SLC26A7: variants seen among roughly 807,000 people sequenced by gnomAD.
SLC26A7 encodes the protein anion exchange transporter.
A neutral mutation model predicts 82.5 loss-of-function variants in SLC26A7; 59 were observed. The ratio of observed to expected loss-of-function variants is 0.72; its 90% CI spans 0.58 to 0.89. The LOEUF (loss-of-function observed/expected upper bound fraction) is 0.89, where lower values mean the gene tolerates loss of function less well. SLC26A7 is among the 40% of genes least tolerant of loss of function. SLC26A7 has a pLI of 0.00. For missense variants in SLC26A7, 820 were observed against 793.0 expected (o/e 1.03, Z -0.41); for synonymous variants, 271 against 274.3 (o/e 0.99, Z 0.12).
intron 11 of SLC26A7, among the ~76,000 whole-genome samples, chr8:91,354,159 C>A (rs981621575): frequency 6.6e-5 from 10 of 151,996 alleles, no homozygotes; most frequent in Non-Finnish European, 1.0e-4. Flanking sequence ...TGAGAAGATG[C>A]AAACTTACTC....
Position 91,214,387 on chromosome 8 carries a change from C to T in SLC26A7, c.-149-4503C>T, listed in dbSNP as rs139872220. 1.9e-3 allele frequency among the ~76,000 whole-genome samples: 295 copies of T among 152,240 alleles called. 3 individuals are homozygous for T. Among genetic ancestry groups the T allele is most frequent in the African/African-American group, 6.5e-3 (270 of 41,542 alleles). ...CAGACTGGCATGGAAAAGAAATATA[C>T]TTCTTCAGTATGTTATTTGAAAACA... On this transcript the variant is annotated intron_variant, in intron 1 of 5. Coordinates refer to the SLC26A7 transcript ENST00000522862.
At chr8:91,279,715 A>G (rs1490543217) in intron 2 of SLC26A7, among the ~76,000 whole-genome samples, 2 of 151,860 alleles carry the variant, frequency 1.3e-5, no homozygotes, top group Non-Finnish European at 2.9e-5. Flanking sequence ...GTCCACCACC[A>G]CGCCCGGCTA....
chr8:91,294,257 C>T (rs980402439), intron 3 of SLC26A7, among the ~76,000 whole-genome samples: 1 of 152,130 alleles, frequency 6.6e-6, no homozygotes, highest in African/African-American at 2.4e-5. Context: ...ATGATATGTG[C>T]TATATTACAT....
chr8:91,236,700 G>A (rs1400126741), intron 2 of SLC26A7, among the ~76,000 whole-genome samples: 1 of 151,978 alleles, frequency 6.6e-6, no homozygotes, highest in South Asian at 2.1e-4. Context: ...TATACAGGAA[G>A]CACTATTGTA....
At chr8:91,336,700 A>G (rs1198069290) in intron 6 of SLC26A7, among the ~76,000 whole-genome samples, 4 of 152,176 alleles carry the variant, frequency 2.6e-5, no homozygotes, top group Non-Finnish European at 5.9e-5. Flanking sequence ...AGAAGGACCA[A>G]TTACTCAACT....
chr8:91,285,767 A>C (rs542280838), intron 2 of SLC26A7, among the ~76,000 whole-genome samples: 1 of 152,298 alleles, frequency 6.6e-6, no homozygotes, highest in Non-Finnish European at 1.5e-5. Context: ...AGAGGAACAA[A>C]ACTAGTGCTT....
chr8:91,298,842 A>G (rs1812085522), intron 4 of SLC26A7, among the ~76,000 whole-genome samples: 1 of 152,168 alleles, frequency 6.6e-6, no homozygotes, highest in Non-Finnish European at 1.5e-5. Context: ...AATTCCTAGA[A>G]TGAGATTACT....
At chr8:91,354,879 A>T (rs1047004243) in intron 11 of SLC26A7, among the ~76,000 whole-genome samples, 1 of 152,142 alleles carries the variant, frequency 6.6e-6, no homozygotes, top group African/African-American at 2.4e-5. Context: ...TATTATTTAG[A>T]TGCATTTAGT....
intron 2 of SLC26A7, among the ~76,000 whole-genome samples, chr8:91,266,328 T>G (rs1010808426): frequency 6.6e-6 from 1 of 152,024 alleles, no homozygotes; most frequent in African/African-American, 2.4e-5. Context: ...CTTTGGATAG[T>G]ATGGACATTT....
intron 2 of SLC26A7, among the ~76,000 whole-genome samples, chr8:91,236,036 C>T (rs1302990370): frequency 6.6e-6 from 1 of 152,218 alleles, no homozygotes; most frequent in East Asian, 1.9e-4. Context: ...CTCATCTCTT[C>T]GAAAAGCCCT....
In SLC26A7 at chr8:91,352,976, A is replaced by T; in HGVS notation, c.1294A>T (p.Asn432Tyr). ...GTTCCGAGATTTAAAAAAATATTGG[A>T]ATGTGGATAAAATCGATTGGGTAAG... is the stretch of plus-strand genomic sequence containing the variant. ...IQFRDLKKYW[N>Y]VDKIDWGIWV... The change falls in exon 11 of 19, where the codon AAT (asparagine) becomes TAT (tyrosine). Residue 432 changes from asparagine to tyrosine, a missense_variant. By Grantham distance (143) the Asn-to-Tyr change is moderately radical. Transcript: ENST00000276609. The T allele has an allele frequency of 6.2e-7, 1 of 1,608,124 alleles. No individual in the cohort carries two copies.
chr8:91,368,666 G>A (rs986780537), intron 14 of SLC26A7, among the ~76,000 whole-genome samples: 9 of 151,640 alleles, frequency 5.9e-5, no homozygotes, highest in South Asian at 2.1e-4. Flanking sequence ...CTCGTGATCC[G>A]CCCACCTCGG....
In SLC26A7 at chr8:91,395,290, A is replaced by G; in HGVS notation, c.*193A>G. The G allele has an allele frequency of 7.5e-7, 1 of 1,339,202 alleles. No homozygotes were observed. Among genetic ancestry groups the G allele is most frequent in the Non-Finnish European group, 9.6e-7 (1 of 1,036,430 alleles). 83.0% of individuals were successfully genotyped at this position (1,339,202 alleles called of 1,614,324 possible). A position where few individuals can be genotyped will look rare whatever the true frequency, so the allele number is the denominator to read the frequency against. ...TTTTTTCTCATTTTTGTTAGTAAGA[A>G]GATTCGCTTAGTTATTTTATGTAAA... On this transcript the variant is annotated 3_prime_UTR_variant, in exon 19 of 19. Transcript: ENST00000276609.
intron 3 of SLC26A7, among the ~76,000 whole-genome samples, chr8:91,292,970 C>T (rs1811914090): frequency 6.6e-6 from 1 of 152,118 alleles, no homozygotes; most frequent in African/African-American, 2.4e-5. Context: ...CTATATAAGG[C>T]ACTTTTCAGA....
intron 4 of SLC26A7, among the ~76,000 whole-genome samples, chr8:91,297,059 A>G (rs1356873796): frequency 1.3e-5 from 2 of 152,184 alleles, no homozygotes; most frequent in Non-Finnish European, 2.9e-5. Flanking sequence ...TTGTATTAAC[A>G]TTGCAAAGAT....
At chr8:91,349,096 G>A (rs1813644572) in intron 9 of SLC26A7, among the ~76,000 whole-genome samples, 1 of 152,098 alleles carries the variant, frequency 6.6e-6, no homozygotes. Flanking sequence ...AGCTTTGAGG[G>A]CAGACACTAT....
Position 91,355,561 on chromosome 8 carries a change from A to G in SLC26A7, c.1314+2565A>G, listed in dbSNP as rs1410988639. Reference sequence around the variant, plus strand: ...AATTTTAAACATGGCTTTTATTTTCATTCATTTTCTTTCCTGAATTATTCT... The same window carrying G: ...AATTTTAAACATGGCTTTTATTTTCGTTCATTTTCTTTCCTGAATTATTCT... On this transcript the variant is annotated intron_variant, in intron 11 of 18. Transcript: ENST00000276609. 2.0e-5 allele frequency among the ~76,000 whole-genome samples: 3 copies of G among 151,512 alleles called. No individual in the cohort carries two copies. The South Asian group carries it at 6.3e-4, about 32-fold the overall frequency.
At chr8:91,323,818 CTTTTT>C (rs3086210) in intron 5 of SLC26A7, among the ~76,000 whole-genome samples, 4 of 117,104 alleles carry the variant, frequency 3.4e-5, no homozygotes, top group African/African-American at 9.1e-5. Context: ...TTTTTCTTAT[CTTTTT>C]TTTTTTTTTT....
At chr8:91,394,226 T>C in intron 18 of SLC26A7, 187 bp downstream of exon 18, 1 of 1,613,528 alleles carries the variant, frequency 6.2e-7, no homozygotes, top group Non-Finnish European at 8.5e-7. Flanking sequence ...AGGCCAGTTA[T>C]AAACTGTTGT....
Sources: allele counts gnomAD v4.1 joint callset (sites outside exome capture counted in the v4.1 genomes callset), GRCh38; gene constraint gnomAD v4.1.1; transcripts MANE v1.5; gene names NCBI Gene and HGNC (gene_info 2026-07-23, HGNC 2026-07-21).